BTBD9: variants seen among roughly 807,000 people sequenced by gnomAD.
The protein encoded by BTBD9 is BTB/POZ domain-containing protein 9.
BTBD9 carries 49 observed loss-of-function variants against 64.3 expected under a neutral mutation model. The ratio of observed to expected loss-of-function variants is 0.76; its 90% CI spans 0.61 to 0.97. The LOEUF (loss-of-function observed/expected upper bound fraction) is 0.97. BTBD9 is among the 50% of genes least tolerant of loss of function. The probability of loss-of-function intolerance (pLI) is 0.00; values close to 1 mark genes in which losing one functional copy is unlikely to be tolerated. For missense variants in BTBD9, 598 were observed against 762.1 expected (o/e 0.78, Z 2.53); for synonymous variants, 260 against 274.7 (o/e 0.95, Z 0.53).
At chr6:38,595,772 C>T in intron 2 of BTBD9, 1 of 985,286 alleles carries the variant, frequency 1.0e-6, no homozygotes, top group Non-Finnish European at 1.2e-6. Context: ...GAGCATACCT[C>T]TTCACTGGGT....
intron 9 of BTBD9, among the ~76,000 whole-genome samples, chr6:38,206,007 A>G (rs1035532149): frequency 2.6e-5 from 4 of 152,048 alleles, no homozygotes; most frequent in Admixed American, 1.3e-4. Context: ...GAGAGCCGTA[A>G]AACAGGCCCA....
chr6:38,457,328 A>G (rs939096638), intron 6 of BTBD9, among the ~76,000 whole-genome samples: 4 of 152,326 alleles, frequency 2.6e-5, no homozygotes, highest in Admixed American at 1.3e-4. Flanking sequence ...ACCAAGCAAG[A>G]AGACCAGTTA....
At chr6:38,414,254 A>ATTCT (rs539196178) in intron 6 of BTBD9, among the ~76,000 whole-genome samples, 15 of 152,164 alleles carry the variant, frequency 9.9e-5, no homozygotes, top group Non-Finnish European at 2.1e-4. Context: ...ATGTTGTAAT[A>ATTCT]TTCTCCCTGC....
intron 7 of BTBD9, among the ~76,000 whole-genome samples, chr6:38,302,606 A>G (rs1289470758): frequency 6.7e-6 from 1 of 150,104 alleles, no homozygotes; most frequent in Non-Finnish European, 1.5e-5. Flanking sequence ...TGCTGTAATA[A>G]ACATGGGAGT....
intron 10 of BTBD9, among the ~76,000 whole-genome samples, chr6:38,183,537 T>C (rs1761673114): frequency 6.6e-6 from 1 of 152,238 alleles, no homozygotes; most frequent in East Asian, 1.9e-4. Flanking sequence ...GCCTGCCCAG[T>C]GCTGGTTCAT....
chr6:38,324,841 T>G (rs228184), intron 7 of BTBD9, among the ~76,000 whole-genome samples: 1 of 151,944 alleles, frequency 6.6e-6, no homozygotes, highest in South Asian at 2.1e-4. Flanking sequence ...GCAAAGGAGA[T>G]AGACACAAGG....
intron 6 of BTBD9, among the ~76,000 whole-genome samples, chr6:38,543,105 A>G (rs1050191464): frequency 2.0e-5 from 3 of 152,218 alleles, no homozygotes; most frequent in Admixed American, 1.3e-4. Context: ...TACCTGTACA[A>G]GCCTTCTTTC....
At chr6:38,239,172 C>A (rs1763902629) in intron 9 of BTBD9, among the ~76,000 whole-genome samples, 2 of 152,046 alleles carry the variant, frequency 1.3e-5, no homozygotes, top group African/African-American at 4.8e-5. Context: ...GTGGCTCATG[C>A]CCATAATCCC....
intron 9 of BTBD9, among the ~76,000 whole-genome samples, chr6:38,214,171 GC>G (rs939832658): frequency 6.6e-6 from 1 of 152,064 alleles, no homozygotes; most frequent in Non-Finnish European, 1.5e-5. Context: ...TCTCTCCAAG[GC>G]CCCTCACTCC....
chr6:38,613,353 GA>G, intron 1 of BTBD9, among the ~76,000 whole-genome samples: 1 of 152,230 alleles, frequency 6.6e-6, no homozygotes, highest in Non-Finnish European at 1.5e-5. Flanking sequence ...CGGGCATGGT[GA>G]CTCACGCTTG....
intron 6 of BTBD9, among the ~76,000 whole-genome samples, chr6:38,453,964 T>C (rs899776565): frequency 3.3e-5 from 5 of 152,308 alleles, no homozygotes; most frequent in African/African-American, 1.2e-4. Context: ...AGGTCGTGCA[T>C]CAGCAGGACA....
intron 7 of BTBD9, among the ~76,000 whole-genome samples, chr6:38,337,940 C>T (rs1284127460): frequency 2.6e-5 from 4 of 152,064 alleles, no homozygotes; most frequent in East Asian, 1.9e-4. Context: ...TATTTGTTTC[C>T]GGTGGTACTG....
At chr6:38,521,191 T>A (rs1225044976) in intron 6 of BTBD9, among the ~76,000 whole-genome samples, 2 of 152,114 alleles carry the variant, frequency 1.3e-5, no homozygotes, top group African/African-American at 4.8e-5. Flanking sequence ...ATCGCCACTC[T>A]GCCCTTTATT....
intron 6 of BTBD9, among the ~76,000 whole-genome samples, chr6:38,400,037 C>T (rs1242687932): frequency 6.6e-6 from 1 of 151,880 alleles, no homozygotes; most frequent in Non-Finnish European, 1.5e-5. Context: ...GCTGGGATTA[C>T]AGGTGTGAGC....
chr6:38,436,364 C>T (rs4714160), intron 6 of BTBD9, among the ~76,000 whole-genome samples: 32,120 of 144,586 alleles, frequency 0.22, 4,064 homozygotes, highest in East Asian at 0.48. Context: ...AATATCTACC[C>T]CAATTCTATT....
At chr6:38,239,774 G>T (rs1763931250) in intron 9 of BTBD9, among the ~76,000 whole-genome samples, 3 of 152,156 alleles carry the variant, frequency 2.0e-5, no homozygotes, top group Admixed American at 2.0e-4. Context: ...GGTGGAGGGA[G>T]AAAACACCTA....
chr6:38,363,874 G>A (rs1765078028), intron 6 of BTBD9, among the ~76,000 whole-genome samples: 1 of 152,126 alleles, frequency 6.6e-6, no homozygotes, highest in South Asian at 2.1e-4. Context: ...AATTTTAAAT[G>A]CCCTCTTAAT....
intron 6 of BTBD9, among the ~76,000 whole-genome samples, chr6:38,472,170 C>T (rs1770679006): frequency 6.6e-6 from 1 of 152,184 alleles, no homozygotes; most frequent in South Asian, 2.1e-4. Context: ...ATATATGCTG[C>T]AATACCAACA....
At chr6:38,574,815 T>C (rs929539586) in intron 6 of BTBD9, among the ~76,000 whole-genome samples, 3 of 152,142 alleles carry the variant, frequency 2.0e-5, no homozygotes, top group Non-Finnish European at 2.9e-5. Flanking sequence ...GCCCATTGTT[T>C]TAAACAAGAA....
Sources: gnomAD v4.1 joint callset for allele counts (sites outside exome capture counted in the v4.1 genomes callset) on GRCh38, gnomAD v4.1.1 for gene constraint, MANE v1.5 for transcripts, NCBI Gene and HGNC (gene_info 2026-07-23, HGNC 2026-07-21) for gene names.